The following TRAPPC11 variants were observed in gnomAD, a reference collection of about 807,000 sequenced individuals.
TRAPPC11 encodes the protein foie gras homolog.
Under a neutral mutation model 151.2 loss-of-function variants are expected in TRAPPC11, and 104 were observed. The ratio of observed to expected loss-of-function variants is 0.69; its 90% CI spans 0.59 to 0.81. The LOEUF is 0.81. TRAPPC11 is among the 30% of genes least tolerant of loss of function. The pLI is 0.00. For missense variants in TRAPPC11, 1,230 were observed against 1,349.6 expected (o/e 0.91, Z 1.39); for synonymous variants, 456 against 472.3 (o/e 0.97, Z 0.45).
Position 183,659,349 on chromosome 4 carries a change from G to A in TRAPPC11, c.-120G>A, listed in dbSNP as rs1200672067. 3.2e-5 allele frequency: 6 copies of A among 188,484 alleles called. No individual in the cohort carries two copies. The highest frequency in any genetic ancestry group is 1.2e-4 in the African/African-American group (5 of 42,876). 11.7% of individuals were successfully genotyped at this position (188,484 alleles called of 1,614,324 possible). A position where few individuals can be genotyped will look rare whatever the true frequency, so the allele number is the denominator to read the frequency against. ...GCTGTGGGGCTGCGGCGGTGGGGAC[G>A]GGCCACGGCGTTCTGTGACATCCCC... On this transcript the variant is annotated 5_prime_UTR_variant, in exon 1 of 30. Coordinates refer to ENST00000334690, the MANE Select transcript of TRAPPC11 (RefSeq NM_021942.6).
At chr4:183,690,646 G>T (rs4401492) in intron 18 of TRAPPC11, among the ~76,000 whole-genome samples, 33,591 of 152,012 alleles carry the variant, frequency 0.22, 4,056 homozygotes, top group African/African-American at 0.31. Flanking sequence ...GAAGTGAACA[G>T]AGAGAGAAAT....
chr4:183,680,134 G>T lies in TRAPPC11; in HGVS notation c.980G>T (p.Gly327Val). 6.2e-7 allele frequency: 1 copy of T among 1,610,780 alleles called. No individual in the cohort carries two copies. The change falls in exon 10 of 30, where the codon GGA (glycine) becomes GTA (valine). Residue 327 changes from glycine to valine, a missense_variant. Transcript: ENST00000334690. Reference protein sequence around the residue: ...AWMSKQFQAFGDLFDEAIKLG... With the variant: ...AWMSKQFQAFVDLFDEAIKLG... ...TTTTCTTTAAGATTCCAGGCCTTTG[G>T]AGATTTATTTGATGAAGCTATTAAG...
At chr4:183,688,565 C>T (rs544937891) in intron 18 of TRAPPC11, among the ~76,000 whole-genome samples, 4 of 152,164 alleles carry the variant, frequency 2.6e-5, no homozygotes, top group African/African-American at 2.4e-5. Flanking sequence ...GATAAAGAAA[C>T]GTTATCTGTT....
chr4:183,662,007 T>C (rs1734577151), intron 1 of TRAPPC11, among the ~76,000 whole-genome samples: 1 of 151,912 alleles, frequency 6.6e-6, no homozygotes, highest in African/African-American at 2.4e-5. Context: ...TCAACAATCC[T>C]CTGGCCTTGT....
In TRAPPC11 at chr4:183,684,141, A is replaced by G; in HGVS notation, c.1288-4A>G. 1 of 1,612,992 alleles carries G rather than the reference A, an allele frequency of 6.2e-7. No individual in the cohort carries two copies. Among genetic ancestry groups the G allele is most frequent in the Non-Finnish European group, 8.5e-7 (1 of 1,179,176 alleles). ...AATGTTTCACACTCTACTTTTTCTA[A>G]TAGGAGATAATCATAACTCTTCTGA... On this transcript the variant is annotated splice_region_variant and splice_polypyrimidine_tract_variant and intron_variant, in intron 12 of 29. Coordinates refer to ENST00000334690, the MANE Select transcript of TRAPPC11 (RefSeq NM_021942.6).
intron 16 of TRAPPC11, 22 bp downstream of exon 16, chr4:183,685,167 A>T (rs2111367252): frequency 6.2e-7 from 1 of 1,612,896 alleles, no homozygotes; most frequent in Non-Finnish European, 8.5e-7. Context: ...TTGTTTATAT[A>T]GAGTGTGTTA....
At position 183,701,716 on chromosome 4, in the gene TRAPPC11, G is replaced by T; in HGVS notation, c.2871G>T (p.Glu957Asp). Residue 957 changes from glutamate to aspartate, a missense_variant, in exon 26 of 30, where the codon GAG becomes GAT. Physicochemically the swap from Glu to Asp is conservative, Grantham distance 45. Coordinates refer to ENST00000334690, the MANE Select transcript of TRAPPC11 (RefSeq NM_021942.6). ...QVDNVILQTG[E>D]SASECFCLQC... ...CTGTAGTTATCTTACAGACTGGAGA[G>T]AGTGCTAGTGAATGCTTTTGTCTTC... 6.2e-7 allele frequency: 1 copy of T among 1,613,488 alleles called. No homozygotes were observed. The highest frequency in any genetic ancestry group is 1.3e-5 in the African/African-American group (1 of 75,028).
At position 183,692,988 on chromosome 4, in the gene TRAPPC11, A is replaced by G; in HGVS notation, c.2078A>G (p.Asn693Ser). 6.2e-7 allele frequency: 1 copy of G among 1,612,848 alleles called. No homozygotes were observed. Among genetic ancestry groups the G allele is most frequent in the Non-Finnish European group, 8.5e-7 (1 of 1,179,374 alleles). ...EITSVDLALG[N>S]ETGRCVVLNW... The stretch of plus-strand genomic sequence containing the variant: ...ACTTCAGTGGATCTTGCTCTGGGCA[A>G]TGAGACGGGAAGATGTGTGGTTTTA... Residue 693 changes from asparagine (N) to serine (S), a missense_variant, in exon 20 of 30, where the codon AAT becomes AGT. Coordinates refer to ENST00000334690, the MANE Select transcript of TRAPPC11 (RefSeq NM_021942.6).
chr4:183,701,643 C>G (rs1736803453), intron 25 of TRAPPC11, 54 bp from the exon 26 acceptor site: 1 of 1,229,470 alleles, frequency 8.1e-7, no homozygotes, highest in African/African-American at 1.5e-5. Flanking sequence ...ATGTGAAACT[C>G]TCCTTTTGTA....
chr4:183,680,007 A>G (rs1301347155), intron 9 of TRAPPC11, 113 bp from the exon 10 acceptor site: 7 of 803,670 alleles, frequency 8.7e-6, no homozygotes, highest in South Asian at 5.5e-5. Flanking sequence ...CTGTTCATCA[A>G]TAGCACCATT....
At chr4:183,707,254 ATGTGTGTGTGTGTG>A (rs10576583) in intron 28 of TRAPPC11, among the ~76,000 whole-genome samples, 1 of 148,568 alleles carries the variant, frequency 6.7e-6, no homozygotes, top group Non-Finnish European at 1.5e-5. Context: ...GTGTGTGTTT[ATGTGTGTGTGTGTG>A]TGTGTGTGTG....
intron 1 of TRAPPC11, among the ~76,000 whole-genome samples, chr4:183,661,959 C>T (rs1052640115): frequency 1.3e-5 from 2 of 151,822 alleles, no homozygotes; most frequent in Admixed American, 6.6e-5. Flanking sequence ...GAGACAGGAT[C>T]TCACTATGTT....
At chr4:183,668,613 G>A (rs1734999947) in intron 5 of TRAPPC11, among the ~76,000 whole-genome samples, 1 of 152,142 alleles carries the variant, frequency 6.6e-6, no homozygotes, top group African/African-American at 2.4e-5. Flanking sequence ...ACTCTGGCCT[G>A]TTTTTGCTTC....
intron 5 of TRAPPC11, among the ~76,000 whole-genome samples, chr4:183,671,756 G>A (rs989593536): frequency 6.6e-6 from 1 of 152,184 alleles, no homozygotes; most frequent in Non-Finnish European, 1.5e-5. Flanking sequence ...TAAAATATAT[G>A]TTTGTATGCT....
At chr4:183,711,048 A>G (rs777958685) in intron 29 of TRAPPC11, among the ~76,000 whole-genome samples, 43 of 152,138 alleles carry the variant, frequency 2.8e-4, no homozygotes, top group South Asian at 1.5e-3. Context: ...AAAAATTGCC[A>G]TTCTACAGTG....
chr4:183,680,378 G>A, intron 10 of TRAPPC11, 111 bp downstream of exon 10: 1 of 1,218,924 alleles, frequency 8.2e-7, no homozygotes, highest in Non-Finnish European at 1.1e-6. Flanking sequence ...AATTTAATTA[G>A]TTTTTATTTT....
intron 1 of TRAPPC11, 24 bp from the exon 2 acceptor site, chr4:183,663,823 A>T: frequency 7.5e-7 from 1 of 1,329,992 alleles, no homozygotes; most frequent in South Asian, 1.2e-5. Flanking sequence ...ATTAATTATG[A>T]ATGTATTAAC....
chr4:183,679,206 G>T (rs183478450), intron 8 of TRAPPC11, 147 bp from the exon 9 acceptor site: 55 of 693,776 alleles, frequency 7.9e-5, no homozygotes, highest in Middle Eastern at 3.5e-4. Context: ...CCATTCTGAT[G>T]AGGAAAATTA....
At chr4:183,665,682 A>G (rs1440531164) in intron 2 of TRAPPC11, among the ~76,000 whole-genome samples, 1 of 152,220 alleles carries the variant, frequency 6.6e-6, no homozygotes, top group Non-Finnish European at 1.5e-5. Flanking sequence ...ACTCAAATCT[A>G]CAGCATCCTC....
Sources: allele counts gnomAD v4.1 joint callset (sites outside exome capture counted in the v4.1 genomes callset), GRCh38; gene constraint gnomAD v4.1.1; transcripts MANE v1.5; gene names NCBI Gene and HGNC (gene_info 2026-07-23, HGNC 2026-07-21).